MBTPS1: variants seen among roughly 807,000 people sequenced by gnomAD.
MBTPS1 encodes the protein membrane-bound transcription factor site-1 protease.
In MBTPS1, 94 loss-of-function variants were observed where a neutral mutation model predicts 127.8. The ratio of observed to expected loss-of-function variants is 0.74; its 90% CI spans 0.62 to 0.87. The LOEUF is 0.87. Ranked by LOEUF, MBTPS1 falls within the 40% of genes least tolerant of loss-of-function variation. The pLI is 0.00. For missense variants in MBTPS1, 1,636 were observed against 1,353.2 expected, an observed-to-expected ratio of 1.21 and a Z score of -3.28; for synonymous variants, 632 against 509.4, an observed-to-expected ratio of 1.24 and a Z score of -3.24.
At chr16:84,067,525 C>G (rs1425998720) in intron 16 of MBTPS1, 142 bp downstream of exon 16, 3 of 683,964 alleles carry the variant, frequency 4.4e-6, no homozygotes, top group Non-Finnish European at 4.9e-6. Context: ...GTCGAAAGGG[C>G]TTTTTTTCTA....
At chr16:84,085,309 G>A (rs1479346656) in intron 9 of MBTPS1, among the ~76,000 whole-genome samples, 175 bp from the exon 10 acceptor site, 6 of 152,216 alleles carry the variant, frequency 3.9e-5, no homozygotes, top group African/African-American at 1.4e-4. Context: ...GCTCACACCT[G>A]TAATCCCAAC....
chr16:84,108,784 T>C (rs1032906019), intron 1 of MBTPS1, among the ~76,000 whole-genome samples: 1 of 152,150 alleles, frequency 6.6e-6, no homozygotes, highest in Non-Finnish European at 1.5e-5. Context: ...AGGCAGGCAG[T>C]GGGGTGATAG....
intron 1 of MBTPS1, among the ~76,000 whole-genome samples, chr16:84,106,496 G>C (rs926296524): frequency 1.3e-5 from 2 of 152,138 alleles, no homozygotes; most frequent in Non-Finnish European, 2.9e-5. Context: ...AAGTGAAAAG[G>C]CCCTGGGGCA....
Position 84,101,731 on chromosome 16 carries a change from T to C in MBTPS1, c.53A>G (p.Lys18Arg). Residue 18 changes from lysine to arginine, a missense_variant, in exon 2 of 23, where the codon AAG becomes AGG. Physicochemically the swap from Lys to Arg is conservative, Grantham distance 26. Transcript: ENST00000343411. The part of the protein sequence containing the change: ...LLLLVVLLCG[K>R]KHLGDRLEKK... ...TTCCAGTCTGTCGCCCAGATGTTTC[T>C]TCCCACAGAGCAAAACCACGAGCAG... The C allele has an allele frequency of 5.6e-6, 9 of 1,614,212 alleles. No homozygotes were observed. Among genetic ancestry groups the C allele is most frequent in the Non-Finnish European group, 7.6e-6 (9 of 1,180,024 alleles).
In MBTPS1 at chr16:84,070,486, C is replaced by G. The variant is rs1278955751; in HGVS notation, c.1782+102G>C. 3 of 1,192,106 alleles carry G rather than the reference C, an allele frequency of 2.5e-6. No individual in the cohort carries two copies. In the Admixed American group the frequency reaches 6.5e-5, roughly 26 times the overall value. The allele number at this position is 1,192,106 out of a possible 1,614,324, so 73.8% of individuals were successfully genotyped here. A position where few individuals can be genotyped will look rare whatever the true frequency, so the allele number is the denominator to read the frequency against. On this transcript the variant is annotated intron_variant, in intron 13 of 22. Coordinates refer to ENST00000343411, the MANE Select transcript of MBTPS1 (RefSeq NM_003791.4). The stretch of plus-strand genomic sequence containing the variant: ...GGCCATCGAGGATAAGCCTATCTGT[C>G]AACTGTACTTCCAATGGAGACCCCA...
intron 8 of MBTPS1, among the ~76,000 whole-genome samples, chr16:84,089,735 T>C (rs2086077717): frequency 6.6e-6 from 1 of 152,318 alleles, no homozygotes; most frequent in South Asian, 2.1e-4. Context: ...ACACCTAGTT[T>C]CACCCATGTC....
At chr16:84,091,190 G>A (rs1260227518) in intron 7 of MBTPS1, among the ~76,000 whole-genome samples, 1 of 152,162 alleles carries the variant, frequency 6.6e-6, no homozygotes, top group Admixed American at 6.6e-5. Context: ...TGCATGTTTA[G>A]GTAAGAAAGA....
intron 12 of MBTPS1, among the ~76,000 whole-genome samples, chr16:84,073,379 G>C (rs1210765708): frequency 6.6e-6 from 1 of 152,106 alleles, no homozygotes; most frequent in Non-Finnish European, 1.5e-5. Flanking sequence ...TGATCCTCCT[G>C]CCTCAGCCTC....
intron 4 of MBTPS1, among the ~76,000 whole-genome samples, chr16:84,094,198 T>C (rs993903991): frequency 6.6e-6 from 1 of 151,388 alleles, no homozygotes; most frequent in African/African-American, 2.4e-5. Flanking sequence ...ATCACAGGTC[T>C]CCACCCCCCA....
intron 5 of MBTPS1, 84 bp from the exon 6 acceptor site, chr16:84,093,381 G>A (rs571891600): frequency 8.8e-5 from 82 of 931,488 alleles, no homozygotes; most frequent in South Asian, 2.0e-4. Flanking sequence ...TGAGTTCCAC[G>A]GCCTTCCATT....
chr16:84,070,211 C>T (rs1056837711), intron 13 of MBTPS1, among the ~76,000 whole-genome samples, 173 bp from the exon 14 acceptor site: 2 of 152,202 alleles, frequency 1.3e-5, no homozygotes, highest in African/African-American at 4.8e-5. Context: ...CATTCAAACA[C>T]TTAAAGAGTT....
intron 20 of MBTPS1, 135 bp downstream of exon 20, chr16:84,060,547 G>T: frequency 3.1e-6 from 3 of 982,136 alleles, no homozygotes; most frequent in Non-Finnish European, 3.0e-6. Context: ...TGCTCTACCC[G>T]CAGCCATTAC....
At chr16:84,093,672 C>T (rs1026521471) in intron 5 of MBTPS1, 39 bp downstream of exon 5, 19 of 1,340,768 alleles carry the variant, frequency 1.4e-5, no homozygotes, top group Admixed American at 3.4e-5. Flanking sequence ...CACTCTCAGT[C>T]GATCACATGA....
chr16:84,092,827 G>C (rs952119671), intron 6 of MBTPS1, among the ~76,000 whole-genome samples: 2 of 152,186 alleles, frequency 1.3e-5, no homozygotes, highest in African/African-American at 4.8e-5. Context: ...AATCAGGGAG[G>C]CAAGCACACT....
intron 1 of MBTPS1, among the ~76,000 whole-genome samples, chr16:84,105,837 A>G (rs2086316384): frequency 6.6e-6 from 1 of 152,184 alleles, no homozygotes; most frequent in African/African-American, 2.4e-5. Context: ...GTGAGAAACT[A>G]CTAAAAGCCA....
chr16:84,083,009 G>A (rs2085963126), intron 10 of MBTPS1, among the ~76,000 whole-genome samples: 1 of 152,152 alleles, frequency 6.6e-6, no homozygotes, highest in African/African-American at 2.4e-5. Flanking sequence ...CCTTGTTGCT[G>A]AAAATATCTG....
chr16:84,085,048 G>A lies in MBTPS1; in HGVS notation c.1221C>T (p.Cys407=), dbSNP rs1241957337. The A allele has an allele frequency of 6.2e-6, 10 of 1,614,070 alleles. No individual in the cohort carries two copies. The highest frequency in any genetic ancestry group is 8.5e-6 in the Non-Finnish European group (10 of 1,180,030). ...CAACACTGGTCCCTGAGAGGGCCCG[G>A]CACCCCCCTTTCACGCCAGAACCCC... ...GVRGSGVKGG[C]RALSGTSVAS... The change falls in exon 10 of 23, where the codon TGC becomes TGT. Residue 407 remains cysteine (C), a synonymous_variant. Coordinates refer to ENST00000343411, the MANE Select transcript of MBTPS1 (RefSeq NM_003791.4).
chr16:84,112,133 T>G (rs927397169), intron 1 of MBTPS1, among the ~76,000 whole-genome samples: 1 of 150,960 alleles, frequency 6.6e-6, no homozygotes, highest in Non-Finnish European at 1.5e-5. Flanking sequence ...ACCAAGGAGG[T>G]GGAGGTTGCA....
chr16:84,102,784 T>C (rs1337874633), intron 1 of MBTPS1, among the ~76,000 whole-genome samples: 1 of 152,248 alleles, frequency 6.6e-6, no homozygotes, highest in Non-Finnish European at 1.5e-5. Flanking sequence ...CAGTGATATT[T>C]AACACCTTCT....
Sources: allele counts gnomAD v4.1 joint callset (sites outside exome capture counted in the v4.1 genomes callset), GRCh38; gene constraint gnomAD v4.1.1; transcripts MANE v1.5; gene names NCBI Gene and HGNC (gene_info 2026-07-23, HGNC 2026-07-21).